The following SOX30 variants were observed in gnomAD, a reference collection of about 807,000 sequenced individuals.
SOX30 encodes the protein SRY-box transcription factor 30, also known as transcription factor SOX-30.
In SOX30, 17 loss-of-function variants were observed where a neutral mutation model predicts 58.6. That is an observed-to-expected ratio of 0.29 (90% CI 0.20 to 0.44). The LOEUF is 0.44. Among genes scored for constraint, SOX30 ranks in the 20% least tolerant of loss-of-function variants. The pLI, the probability that SOX30 is intolerant of heterozygous loss-of-function variation, is 1.00. For synonymous variants in SOX30, 421 were observed against 400.2 expected, an observed-to-expected ratio of 1.05 and a Z score of -0.62; for missense variants, 951 against 965.8, an observed-to-expected ratio of 0.98 and a Z score of 0.20.
At chr5:157,643,616 G>A (rs1759121417) in intron 3 of SOX30, among the ~76,000 whole-genome samples, 1 of 151,968 alleles carries the variant, frequency 6.6e-6, no homozygotes, top group Admixed American at 6.6e-5. Context: ...CTGAAATGGT[G>A]GTGAAATGTA....
intron 3 of SOX30, among the ~76,000 whole-genome samples, chr5:157,640,460 G>A (rs1457974916): frequency 6.6e-6 from 1 of 151,988 alleles, no homozygotes; most frequent in Non-Finnish European, 1.5e-5. Context: ...TGGGGTGGCG[G>A]GGATCATCTC....
chr5:157,657,081 G>T (rs1759486608), upstream of SOX30, among the ~76,000 whole-genome samples: 1 of 152,114 alleles, frequency 6.6e-6, no homozygotes, highest in Non-Finnish European at 1.5e-5. Flanking sequence ...AATTGGGTTT[G>T]TCATCAATAA....
chr5:157,640,325 A>G (rs1452447779), intron 3 of SOX30, among the ~76,000 whole-genome samples: 2 of 152,194 alleles, frequency 1.3e-5, no homozygotes, highest in South Asian at 2.1e-4. Context: ...TAAAAGTTCC[A>G]AAGCCTTTAA....
At chr5:157,632,663 A>G (rs1162904301) in intron 4 of SOX30, among the ~76,000 whole-genome samples, 1 of 152,218 alleles carries the variant, frequency 6.6e-6, no homozygotes, top group East Asian at 1.9e-4. Flanking sequence ...TTAGACTCTG[A>G]ACCAATGTGT....
intron 2 of SOX30, among the ~76,000 whole-genome samples, chr5:157,658,761 C>T (rs1759526905): frequency 6.6e-6 from 1 of 152,110 alleles, no homozygotes; most frequent in African/African-American, 2.4e-5. Context: ...TAATGTCAGG[C>T]GTGTGAACCA....
intron 1 of SOX30, among the ~76,000 whole-genome samples, chr5:157,668,321 A>G (rs1249119618): frequency 6.6e-6 from 1 of 152,218 alleles, no homozygotes; most frequent in African/African-American, 2.4e-5. Flanking sequence ...CAGTGATTTC[A>G]GAATGTGAAG....
chr5:157,638,393 G>C lies in SOX30; in HGVS notation c.1717C>G (p.Pro573Ala). The change falls in exon 4 of 5, where the codon CCT becomes GCT. Residue 573 changes from proline to alanine, a missense_variant. Physicochemically the swap from Pro to Ala is conservative, Grantham distance 27. Coordinates refer to ENST00000265007, the MANE Select transcript of SOX30 (RefSeq NM_178424.2). ...GGGATTGGAGCACTTCTGGGACAAG[G>C]GGAAACGCTGGAATACTCCCTAGGA... ...QPPREYSSVS[P>A]CPRSAPIPQA... 1.2e-6 allele frequency: 2 copies of C among 1,613,902 alleles called. No homozygotes were observed. Among genetic ancestry groups the C allele is most frequent in the Non-Finnish European group, 8.5e-7 (1 of 1,179,914 alleles).
chr5:157,652,333 G>T lies in SOX30; in HGVS notation c.-255C>A, dbSNP rs1303068570. ...CTGAGTCCTCGAATCACCTGCCATG[G>T]TAGGAGCCGCCGCACTTGTTGCACA... On this transcript the variant is annotated 5_prime_UTR_variant, in exon 1 of 5. It introduces an in-frame stop codon into an upstream open reading frame of the 5' UTR. Transcript: ENST00000265007. The T allele has an allele frequency of 8.3e-7, 1 of 1,211,520 alleles. No individual in the cohort carries two copies. The highest frequency in any genetic ancestry group is 3.4e-5 in the East Asian group (1 of 29,548). 75.0% of individuals were successfully genotyped at this position (1,211,520 alleles called of 1,614,324 possible).
At chr5:157,658,808 A>C (rs1338966907) in intron 2 of SOX30, among the ~76,000 whole-genome samples, 1 of 152,238 alleles carries the variant, frequency 6.6e-6, no homozygotes, top group Non-Finnish European at 1.5e-5. Context: ...GTGTAAAACG[A>C]GGCTGAAACC....
upstream of SOX30, among the ~76,000 whole-genome samples, chr5:157,656,934 G>GT (rs950202806): frequency 2.6e-5 from 4 of 152,132 alleles, no homozygotes; most frequent in African/African-American, 9.6e-5. Context: ...AAAAGCACAA[G>GT]TTTTTTTAGA....
upstream of SOX30, among the ~76,000 whole-genome samples, chr5:157,654,944 C>T (rs552977509): frequency 2.6e-5 from 4 of 152,334 alleles, no homozygotes; most frequent in Admixed American, 1.3e-4. Flanking sequence ...TGGGGTTGCT[C>T]AGTCTATGGA....
chr5:157,653,895 G>C (rs767825844), upstream of SOX30, among the ~76,000 whole-genome samples: 29 of 152,130 alleles, frequency 1.9e-4, no homozygotes, highest in Middle Eastern at 3.2e-3. Context: ...GGCTGGGCGT[G>C]GTGGCTCACT....
intron 4 of SOX30, among the ~76,000 whole-genome samples, chr5:157,633,898 CA>C (rs1758867219): frequency 6.6e-6 from 1 of 152,076 alleles, no homozygotes; most frequent in African/African-American, 2.4e-5. Context: ...ACCCAATGGC[CA>C]ACAGAATGAA....
At chr5:157,661,774 T>G (rs79393158) in intron 2 of SOX30, among the ~76,000 whole-genome samples, 4,615 of 152,304 alleles carry the variant, frequency 0.03, 236 homozygotes, top group African/African-American at 0.1. Context: ...TCTAATTTGT[T>G]GTTATTTAAA....
intron 1 of SOX30, among the ~76,000 whole-genome samples, chr5:157,649,795 A>C (rs1180611848): frequency 3.3e-5 from 5 of 152,204 alleles, no homozygotes; most frequent in Non-Finnish European, 7.3e-5. Flanking sequence ...GTCTCAAAAA[A>C]ATAATTTTTT....
At chr5:157,638,111 A>G (rs1209194268) in intron 4 of SOX30, 119 bp downstream of exon 4, 7 of 1,027,158 alleles carry the variant, frequency 6.8e-6, no homozygotes, top group Non-Finnish European at 9.7e-6. Flanking sequence ...GCTCCTAGTC[A>G]GCAGAATTGA....
chr5:157,652,352 T>C lies in SOX30; in HGVS notation c.-274A>G, dbSNP rs1312994387. 8.5e-7 allele frequency: 1 copy of C among 1,183,182 alleles called. No individual in the cohort carries two copies. Among genetic ancestry groups the C allele is most frequent in the African/African-American group, 1.6e-5 (1 of 63,384 alleles). The allele number at this position is 1,183,182 out of a possible 1,614,324, so 73.3% of individuals were successfully genotyped here. The stretch of plus-strand genomic sequence containing the variant: ...GCCATGGTAGGAGCCGCCGCACTTG[T>C]TGCACATTTTCGTTCTGACTCTCTT... On this transcript the variant is annotated 5_prime_UTR_variant, in exon 1 of 5. Coordinates refer to ENST00000265007, the MANE Select transcript of SOX30 (RefSeq NM_178424.2).
At position 157,646,788 on chromosome 5, in the gene SOX30, C is replaced by T. The variant is rs1759203571; in HGVS notation, c.1236G>A (p.Lys412=). The T allele has an allele frequency of 6.2e-7, 1 of 1,613,972 alleles. No individual in the cohort carries two copies. Among genetic ancestry groups the T allele is most frequent in the East Asian group, 2.2e-5 (1 of 44,874 alleles). The change falls in exon 3 of 5, where the codon AAG becomes AAA. Residue 412 remains lysine (K), a synonymous_variant. Coordinates refer to ENST00000265007, the MANE Select transcript of SOX30 (RefSeq NM_178424.2). ...PGWVYQPRPG[K]RKRFPLSVSN... The stretch of plus-strand genomic sequence containing the variant: ...AAACACTTAGAGGGAATCGTTTTCG[C>T]TTCCCTGGACGAGGCTGATAAACCC...
intron 3 of SOX30, among the ~76,000 whole-genome samples, chr5:157,640,455 T>C (rs936076708): frequency 6.6e-6 from 1 of 151,758 alleles, no homozygotes; most frequent in African/African-American, 2.4e-5. Flanking sequence ...GGTAGTGGGG[T>C]GGCGGGGATC....
Sources: gnomAD v4.1 joint callset for allele counts (sites outside exome capture counted in the v4.1 genomes callset) on GRCh38, gnomAD v4.1.1 for gene constraint, MANE v1.5 for transcripts, NCBI Gene and HGNC (gene_info 2026-07-23, HGNC 2026-07-21) for gene names.